The following ATP2C2 variants were observed in gnomAD, a reference collection of about 807,000 sequenced individuals.
ATP2C2 encodes ATPase secretory pathway Ca2+ transporting 2.
ATP2C2 carries 171 observed loss-of-function variants against 110.8 expected under a neutral mutation model. The observed-to-expected ratio is 1.54, with a 90% CI of 1.36 to 1.75. ATP2C2 has a LOEUF of 1.75. Ranked by LOEUF, ATP2C2 falls within the 40% of genes most tolerant of loss-of-function variation. ATP2C2 has a pLI of 0.00. For missense variants in ATP2C2, 1,963 were observed against 1,235.0 expected, an observed-to-expected ratio of 1.59 and a Z score of -8.84; for synonymous variants, 804 against 508.4, an observed-to-expected ratio of 1.58 and a Z score of -7.82.
At chr16:84,443,366 AGCTCCTTTCCCCGACCC>A (rs1348768054) in intron 15 of ATP2C2, among the ~76,000 whole-genome samples, 1 of 151,912 alleles carries the variant, frequency 6.6e-6, no homozygotes, top group Non-Finnish European at 1.5e-5. Flanking sequence ...ACACTGTGGG[AGCTCCTTTCCCCGACCC>A]GCTCCGTGCT....
At chr16:84,441,607 T>G (rs1458029853) in intron 14 of ATP2C2, among the ~76,000 whole-genome samples, 1 of 152,104 alleles carries the variant, frequency 6.6e-6, no homozygotes, top group Non-Finnish European at 1.5e-5. Context: ...GCAAACGCTG[T>G]CTTGGTTTTG....
intron 7 of ATP2C2, 128 bp from the exon 8 acceptor site, chr16:84,422,262 A>T: frequency 8.8e-7 from 1 of 1,139,426 alleles, no homozygotes. Context: ...TCGTTGTGAC[A>T]CTCATTCTGT....
chr16:84,403,500 A>G (rs762911644), intron 2 of ATP2C2, among the ~76,000 whole-genome samples: 1 of 151,952 alleles, frequency 6.6e-6, no homozygotes, highest in Non-Finnish European at 1.5e-5. Flanking sequence ...TAGAGCCAAG[A>G]TCATGCTATA....
At chr16:84,441,922 CGAAT>C (rs376465083) in intron 14 of ATP2C2, among the ~76,000 whole-genome samples, 5 of 149,914 alleles carry the variant, frequency 3.3e-5, no homozygotes, top group African/African-American at 1.2e-4. Flanking sequence ...GACTCCATCT[CGAAT>C]GAATGAATGA....
At chr16:84,454,518 G>C (rs552581291) in intron 20 of ATP2C2, among the ~76,000 whole-genome samples, 1 of 149,796 alleles carries the variant, frequency 6.7e-6, no homozygotes, top group East Asian at 1.9e-4. Context: ...TACTGGGACT[G>C]GATAACCTTT....
At chr16:84,388,929 G>A (rs11644693) in intron 1 of ATP2C2, among the ~76,000 whole-genome samples, 19,012 of 151,984 alleles carry the variant, frequency 0.13, 1,501 homozygotes, top group South Asian at 0.26. Context: ...GCGCCACCAT[G>A]CTCGGCTAAT....
chr16:84,456,270 G>T (rs186589483), intron 21 of ATP2C2, among the ~76,000 whole-genome samples: 27,183 of 145,604 alleles, frequency 0.19, 1,812 homozygotes, highest in East Asian at 0.21. Flanking sequence ...GACTCTTTTT[G>T]GTTGGTAAAC....
chr16:84,377,605 C>T (rs909646554), intron 1 of ATP2C2, among the ~76,000 whole-genome samples: 3 of 151,950 alleles, frequency 2.0e-5, no homozygotes, highest in Admixed American at 6.6e-5. Context: ...GGACACCAGT[C>T]GTATTGGATT....
chr16:84,427,150 C>T (rs1304602646), intron 11 of ATP2C2, among the ~76,000 whole-genome samples: 2 of 152,148 alleles, frequency 1.3e-5, no homozygotes, highest in African/African-American at 4.8e-5. Flanking sequence ...CTGTCTGCAA[C>T]GTGTTTTTAG....
In ATP2C2 at chr16:84,460,738, C is replaced by T. The variant is rs202071256; in HGVS notation, c.2418C>T (p.Ile806=). 4 of 1,614,048 alleles carry T rather than the reference C, an allele frequency of 2.5e-6. No individual in the cohort carries two copies. Among genetic ancestry groups the T allele is most frequent in the African/African-American group, 2.7e-5 (2 of 74,934 alleles). ...ACACCATCCTCAGCAGAGCCCTCAT[C>T]CTGAAGATCCTCATGTCCGCGGCCA... The part of the protein sequence containing the change: ...VRDTILSRAL[I]LKILMSAAII... The change falls in exon 24 of 27, where the codon ATC becomes ATT. Residue 806 remains isoleucine, a synonymous_variant. Transcript: ENST00000262429.
intron 11 of ATP2C2, among the ~76,000 whole-genome samples, chr16:84,436,785 A>G (rs1259214227): frequency 6.0e-5 from 7 of 117,360 alleles, no homozygotes; most frequent in Non-Finnish European, 7.2e-5. Flanking sequence ...TTTTTGAGAC[A>G]GACTTTCACT....
chr16:84,411,671 A>G (rs1300135590), intron 6 of ATP2C2, among the ~76,000 whole-genome samples: 1 of 152,104 alleles, frequency 6.6e-6, no homozygotes, highest in Non-Finnish European at 1.5e-5. Context: ...CGACCTCCTG[A>G]CCTCAGATGA....
intron 4 of ATP2C2, among the ~76,000 whole-genome samples, chr16:84,409,743 T>G (rs2150525185): frequency 6.6e-6 from 1 of 152,264 alleles, no homozygotes; most frequent in African/African-American, 2.4e-5. Context: ...CCTCAGGTGA[T>G]CCGCCTCCCT....
chr16:84,391,012 G>A (rs960864663), intron 1 of ATP2C2, among the ~76,000 whole-genome samples: 1 of 150,736 alleles, frequency 6.6e-6, no homozygotes, highest in Non-Finnish European at 1.5e-5. Context: ...TACTCGAGTG[G>A]GTGAGGCAGG....
rs774982906 is a variant in ATP2C2, at chr16:84,410,714, C to G, written c.464C>G (p.Ser155Trp). The G allele has an allele frequency of 6.2e-6, 10 of 1,613,996 alleles. No individual in the cohort carries two copies. In the Admixed American group the frequency reaches 1.0e-4, roughly 16 times the overall value. Residue 155 changes from serine to tryptophan, a missense_variant, in exon 6 of 27, where the codon TCG becomes TGG. Transcript: ENST00000262429. ...TGTGCTTCCTGCCAGGAGTACAGGTCGGAGAAATCTCTGGAAGAGCTGACC... is the reference window on the plus strand; with the variant it reads ...TGTGCTTCCTGCCAGGAGTACAGGTGGGAGAAATCTCTGGAAGAGCTGACC... ...VTVAFIQEYRSEKSLEELTKL... is the reference protein window; with the variant it reads ...VTVAFIQEYRWEKSLEELTKL...
chr16:84,392,539 T>G (rs1017186809), intron 1 of ATP2C2, among the ~76,000 whole-genome samples: 1 of 152,174 alleles, frequency 6.6e-6, no homozygotes, highest in Non-Finnish European at 1.5e-5. Context: ...CTCAGCTCAC[T>G]GCAACCTCTG....
Position 84,442,798 on chromosome 16 carries a change from C to A in ATP2C2, c.1401+199C>A, listed in dbSNP as rs571666018. Among the ~76,000 whole-genome samples the A allele has an allele frequency of 3.3e-5, 5 of 152,252 alleles. No individual in the cohort carries two copies. The South Asian group carries it at 1.0e-3, about 32-fold the overall frequency. ...AGATTCCACGGGACTTCAGCAAGTT[C>A]TGCAGGTCTCTAATCCCTCCACCAG... is the stretch of plus-strand genomic sequence containing the variant. On this transcript the variant is annotated intron_variant, in intron 15 of 26. Coordinates refer to ENST00000262429, the MANE Select transcript of ATP2C2 (RefSeq NM_014861.4).
At position 84,460,343 on chromosome 16, in the gene ATP2C2, A is replaced by C. The variant is rs565584804; in HGVS notation, c.2334-311A>C. 5.9e-5 allele frequency: 22 copies of C among 370,478 alleles called. No homozygotes were observed. The Admixed American group carries it at 6.3e-4, about 11-fold the overall frequency. The allele number at this position is 370,478 out of a possible 1,614,324, so 22.9% of individuals were successfully genotyped here. On this transcript the variant is annotated intron_variant, in intron 23 of 26. Transcript: ENST00000262429. ...CCTGGAGCCTGTTTCTCCAGGCGCA[A>C]CGTTGGGGGGGGTCCCCTCGGGGTG...
chr16:84,402,917 T>C (rs1905430840), intron 2 of ATP2C2, among the ~76,000 whole-genome samples: 1 of 152,236 alleles, frequency 6.6e-6, no homozygotes. Flanking sequence ...GGTCCTGGGC[T>C]TTTCCTAACC....
Sources: allele counts gnomAD v4.1 joint callset (sites outside exome capture counted in the v4.1 genomes callset), GRCh38; gene constraint gnomAD v4.1.1; transcripts MANE v1.5; gene names NCBI Gene and HGNC (gene_info 2026-07-23, HGNC 2026-07-21).